The following IL6R variants were observed in gnomAD, a reference collection of about 807,000 sequenced individuals.
IL6R encodes interleukin-6 receptor subunit alpha.
A neutral mutation model predicts 48.3 loss-of-function variants in IL6R; 38 were observed. That is an observed-to-expected ratio of 0.79 (90% confidence interval 0.61 to 1.03). IL6R has a LOEUF of 1.03. Among genes scored for constraint, IL6R ranks in the 50% least tolerant of loss-of-function variants. The probability of loss-of-function intolerance (pLI) is 0.00; values close to 1 mark genes in which losing one functional copy is unlikely to be tolerated. For synonymous variants in IL6R, 264 were observed against 256.2 expected (o/e 1.03, Z -0.29); for missense variants, 534 against 618.3 (o/e 0.86, Z 1.45).
intron 1 of IL6R, among the ~76,000 whole-genome samples, chr1:154,421,455 A>G (rs1042299271): frequency 5.9e-5 from 9 of 152,208 alleles, no homozygotes; most frequent in Admixed American, 4.6e-4. Flanking sequence ...TTGCAAAGGC[A>G]TAGCATTTCA....
chr1:154,463,859 G>A (rs1404024799), intron 9 of IL6R, among the ~76,000 whole-genome samples: 1 of 152,222 alleles, frequency 6.6e-6, no homozygotes, highest in Non-Finnish European at 1.5e-5. Context: ...TCCTTCCTGT[G>A]TAGCATTGAC....
Position 154,465,464 on chromosome 1 carries a change from C to A in IL6R, c.*84C>A. On this transcript the variant is annotated 3_prime_UTR_variant, in exon 10 of 10. Transcript: ENST00000368485. Reference sequence around the variant, plus strand: ...GCAAAAGATGCTTCTCACTGCCATGCCAGCTTATCTCAGGGGTGTGCGGCC... The same window carrying A: ...GCAAAAGATGCTTCTCACTGCCATGACAGCTTATCTCAGGGGTGTGCGGCC... The A allele has an allele frequency of 6.7e-7, 1 of 1,497,232 alleles. No homozygotes were observed. The highest frequency in any genetic ancestry group is 9.3e-7 in the Non-Finnish European group (1 of 1,080,794). 92.7% of individuals were successfully genotyped at this position (1,497,232 alleles called of 1,614,324 possible).
intron 5 of IL6R, among the ~76,000 whole-genome samples, chr1:154,435,663 C>T (rs1689581676): frequency 6.6e-6 from 1 of 152,218 alleles, no homozygotes; most frequent in African/African-American, 2.4e-5. Flanking sequence ...TAATGCCAGG[C>T]CAGTCTCCTC....
chr1:154,455,264 G>A (rs1690805128), intron 9 of IL6R, among the ~76,000 whole-genome samples: 1 of 151,780 alleles, frequency 6.6e-6, no homozygotes, highest in Non-Finnish European at 1.5e-5. Flanking sequence ...GACAGCGTGT[G>A]CATGCACGTG....
At chr1:154,434,452 C>T in intron 3 of IL6R, 67 bp from the exon 4 acceptor site, 1 of 1,431,784 alleles carries the variant, frequency 7.0e-7, no homozygotes, top group Non-Finnish European at 9.6e-7. Context: ...CCACTTCCCC[C>T]TTCTGTCCCG....
chr1:154,438,003 C>T (rs1304336603), intron 6 of IL6R, among the ~76,000 whole-genome samples: 20 of 151,960 alleles, frequency 1.3e-4, no homozygotes, highest in African/African-American at 3.1e-4. Flanking sequence ...TGTGAGCCAC[C>T]GCGCCTGGCC....
chr1:154,446,676 T>G (rs367927074), intron 6 of IL6R, among the ~76,000 whole-genome samples: 6 of 152,128 alleles, frequency 3.9e-5, no homozygotes, highest in Non-Finnish European at 8.8e-5. Flanking sequence ...GCCGTGAGGG[T>G]GCCTGGTCCA....
At chr1:154,455,651 A>G (rs1162911698) in intron 9 of IL6R, among the ~76,000 whole-genome samples, 13 of 149,832 alleles carry the variant, frequency 8.7e-5, no homozygotes, top group Non-Finnish European at 3.0e-5. Flanking sequence ...ACAGGGTTTC[A>G]CCGTGTCAGC....
chr1:154,421,910 G>A (rs1004086893), intron 1 of IL6R, among the ~76,000 whole-genome samples: 2 of 151,870 alleles, frequency 1.3e-5, no homozygotes, highest in Non-Finnish European at 2.9e-5. Flanking sequence ...CGTAAGCCAC[G>A]ATGCCTGGTG....
At chr1:154,414,666 GT>G in intron 1 of IL6R, 1 of 857,118 alleles carries the variant, frequency 1.2e-6, no homozygotes, top group Non-Finnish European at 2.0e-6. Context: ...TGGCGAGGAT[GT>G]TACCCTTGGC....
intron 8 of IL6R, among the ~76,000 whole-genome samples, chr1:154,450,323 A>T (rs569300902): frequency 5.3e-4 from 80 of 152,134 alleles, no homozygotes; most frequent in African/African-American, 1.9e-3. Context: ...ACAGGGTTTC[A>T]CTATGTTGGC....
intron 1 of IL6R, among the ~76,000 whole-genome samples, chr1:154,413,282 G>A (rs1435782640): frequency 6.6e-6 from 1 of 152,248 alleles, no homozygotes; most frequent in African/African-American, 2.4e-5. Flanking sequence ...TTACAGGCAT[G>A]GGCCACTGTG....
intron 6 of IL6R, among the ~76,000 whole-genome samples, chr1:154,446,424 T>C (rs1218656982): frequency 6.6e-6 from 1 of 152,198 alleles, no homozygotes. Context: ...GGTCACCCTC[T>C]CCCCGCCTCC....
intron 6 of IL6R, among the ~76,000 whole-genome samples, chr1:154,447,491 A>ACG (rs1690313315): frequency 7.8e-6 from 1 of 127,856 alleles, no homozygotes; most frequent in African/African-American, 3.4e-5. Context: ...ACACACACAC[A>ACG]CACACACACA....
At chr1:154,457,322 C>CAAAAAA (rs60033332) in intron 9 of IL6R, among the ~76,000 whole-genome samples, 25 of 78,122 alleles carry the variant, frequency 3.2e-4, no homozygotes, top group Non-Finnish European at 3.7e-4. Context: ...GACTCCGTCT[C>CAAAAAA]AAAAAAAAAA....
At chr1:154,450,142 G>GTGTGTT (rs1690500127) in intron 8 of IL6R, among the ~76,000 whole-genome samples, 162 bp downstream of exon 8, 1 of 150,848 alleles carries the variant, frequency 6.6e-6, no homozygotes, top group South Asian at 2.1e-4. Flanking sequence ...GTGTGTGTGT[G>GTGTGTT]TTGGAGAGAG....
At chr1:154,435,379 C>A (rs749560133) in intron 5 of IL6R, among the ~76,000 whole-genome samples, 1 of 152,048 alleles carries the variant, frequency 6.6e-6, no homozygotes, top group Non-Finnish European at 1.5e-5. Context: ...GGTGTGGTGG[C>A]GCACGCCTGT....
chr1:154,425,576 A>G (rs1487010657), intron 1 of IL6R, among the ~76,000 whole-genome samples: 1 of 151,822 alleles, frequency 6.6e-6, no homozygotes, highest in African/African-American at 2.4e-5. Context: ...AGAGTTTGAG[A>G]CCAGCCTGGG....
intron 1 of IL6R, among the ~76,000 whole-genome samples, chr1:154,419,595 G>C (rs900319333): frequency 6.6e-6 from 1 of 152,148 alleles, no homozygotes; most frequent in African/African-American, 2.4e-5. Context: ...CCTGGGCAGC[G>C]GGGACCTGCG....
Sources: allele counts gnomAD v4.1 joint callset (sites outside exome capture counted in the v4.1 genomes callset), GRCh38; gene constraint gnomAD v4.1.1; transcripts MANE v1.5; gene names NCBI Gene and HGNC (gene_info 2026-07-23, HGNC 2026-07-21).